PGM2: variants seen among roughly 807,000 people sequenced by gnomAD.
PGM2 encodes phosphoglucomutase 2.
A neutral mutation model predicts 74.6 loss-of-function variants in PGM2; 57 were observed. The ratio of observed to expected loss-of-function variants is 0.76; its 90% CI spans 0.62 to 0.95. PGM2 has a LOEUF of 0.95. PGM2 is among the 40% of genes least tolerant of loss of function. The pLI is 0.00. For missense variants in PGM2, 706 were observed against 741.9 expected (o/e 0.95, Z 0.56); for synonymous variants, 273 against 260.7 (o/e 1.05, Z -0.46).
Position 37,862,292 on chromosome 4 carries a change from C to G in PGM2, c.*680C>G, listed in dbSNP as rs1383815374. 6.6e-6 allele frequency: 1 copy of G among 152,096 alleles called. No homozygotes were observed. The highest frequency in any genetic ancestry group is 1.5e-5 in the Non-Finnish European group (1 of 67,990). The allele number at this position is 152,096 out of a possible 1,614,324, so 9.4% of individuals were successfully genotyped here. ...TGTGTTGAAACTCATCTTTTTAAAT[C>G]TTGAAAAACCAATTGTTTACTTGAA... On this transcript the variant is annotated 3_prime_UTR_variant, in exon 14 of 14. Transcript: ENST00000381967.
intron 12 of PGM2, among the ~76,000 whole-genome samples, chr4:37,855,206 TC>T (rs1441434631): frequency 2.0e-5 from 3 of 152,108 alleles, no homozygotes; most frequent in Non-Finnish European, 2.9e-5. Context: ...TCCCCACCCT[TC>T]CCCAGTCAGC....
intron 6 of PGM2, among the ~76,000 whole-genome samples, chr4:37,841,100 A>ATG (rs1553885995): frequency 7.2e-4 from 83 of 115,668 alleles, no homozygotes; most frequent in Middle Eastern, 8.7e-3. Flanking sequence ...ATATATATAT[A>ATG]TGTGTGTGTG....
intron 12 of PGM2, among the ~76,000 whole-genome samples, chr4:37,851,456 C>T (rs918803425): frequency 6.6e-6 from 1 of 150,514 alleles, no homozygotes; most frequent in African/African-American, 2.4e-5. Flanking sequence ...AAAGAAGACA[C>T]AAAGGTAGCA....
chr4:37,834,513 G>A, intron 2 of PGM2, 105 bp from the exon 3 acceptor site: 1 of 600,104 alleles, frequency 1.7e-6, no homozygotes, highest in Non-Finnish European at 3.0e-6. Flanking sequence ...CTCTCCCATA[G>A]TGTTCTATGA....
rs115453938 is a variant in PGM2 at position 37,835,229 on chromosome 4, T to C, written c.356+505T>C. On this transcript the variant is annotated intron_variant, in intron 3 of 13. Coordinates refer to ENST00000381967, the MANE Select transcript of PGM2 (RefSeq NM_018290.4). The stretch of plus-strand genomic sequence containing the variant: ...TACTCATTCTATCCTCACAGCAACG[T>C]GTAAGGTATGTACTTTTATCTCTTT... Among the ~76,000 whole-genome samples, 388 of 152,336 alleles carry C rather than the reference T, an allele frequency of 2.5e-3. 2 individuals carry two copies. The highest frequency in any genetic ancestry group is 8.6e-3 in the African/African-American group (358 of 41,580).
chr4:37,850,185 T>A lies in PGM2; in HGVS notation c.1414T>A (p.Tyr472Asn). Residue 472 changes from tyrosine to asparagine, a missense_variant and splice_region_variant, in exon 12 of 14, where the codon TAT (tyrosine) becomes AAT (asparagine). Physicochemically the swap from Tyr to Asn is moderately radical, Grantham distance 143. Coordinates refer to ENST00000381967, the MANE Select transcript of PGM2 (RefSeq NM_018290.4). ...SQQLKAIYVE[Y>N]GYHITKASYF... The stretch of plus-strand genomic sequence containing the variant: ...CATGAATTTGTATTTGTTTGATAGG[T>A]ATGGCTACCATATTACTAAAGCTTC... 1 of 1,533,040 alleles carries A rather than the reference T, an allele frequency of 6.5e-7. No individual in the cohort carries two copies. The highest frequency in any genetic ancestry group is 8.8e-7 in the Non-Finnish European group (1 of 1,131,374). 95.0% of individuals were successfully genotyped at this position (1,533,040 alleles called of 1,614,324 possible). A position where few individuals can be genotyped will look rare whatever the true frequency, so the allele number is the denominator to read the frequency against.
chr4:37,827,825 T>A (rs1725337922), intron 1 of PGM2, among the ~76,000 whole-genome samples: 1 of 152,134 alleles, frequency 6.6e-6, no homozygotes, highest in Non-Finnish European at 1.5e-5. Flanking sequence ...CCCACTGTTG[T>A]TTTAATGTCC....
intron 4 of PGM2, among the ~76,000 whole-genome samples, chr4:37,839,111 ATTTTTTTTTTTTT>A (rs60423053): frequency 2.1e-5 from 2 of 94,660 alleles, no homozygotes; most frequent in Non-Finnish European, 4.3e-5. Flanking sequence ...ATTCCCTCAA[ATTTTTTTTTTTTT>A]TTTTTTTTTT....
intron 3 of PGM2, among the ~76,000 whole-genome samples, chr4:37,835,234 G>GGT (rs1388266875): frequency 1.3e-5 from 2 of 152,166 alleles, no homozygotes; most frequent in African/African-American, 2.4e-5. Flanking sequence ...CAACGTGTAA[G>GGT]GTATGTACTT....
Position 37,839,944 on chromosome 4 carries a change from T to C in PGM2, c.525+13T>C. On this transcript the variant is annotated intron_variant, in intron 5 of 13. Transcript: ENST00000381967. The stretch of plus-strand genomic sequence containing the variant: ...TAATGGTTATAAGGTATTTTCCTTT[T>C]TCTACTCCACACGTACATCCTTCTG... The C allele has an allele frequency of 6.5e-7, 1 of 1,547,966 alleles. No homozygotes were observed. The highest frequency in any genetic ancestry group is 1.4e-5 in the African/African-American group (1 of 73,636).
intron 6 of PGM2, among the ~76,000 whole-genome samples, chr4:37,842,792 C>G (rs1302076514): frequency 1.3e-5 from 2 of 152,082 alleles, no homozygotes; most frequent in Non-Finnish European, 2.9e-5. Context: ...CTCTGAGTAG[C>G]TGGTACTGCA....
At chr4:37,842,651 C>A (rs1725761795) in intron 6 of PGM2, among the ~76,000 whole-genome samples, 1 of 124,046 alleles carries the variant, frequency 8.1e-6, no homozygotes, top group South Asian at 2.5e-4. Flanking sequence ...GGAGGCCCTT[C>A]ACATGTCATT....
intron 6 of PGM2, among the ~76,000 whole-genome samples, chr4:37,841,521 C>T (rs186639268): frequency 6.6e-6 from 1 of 152,246 alleles, no homozygotes. Flanking sequence ...AAGCCCAGTC[C>T]TGCCTGAAGG....
At chr4:37,830,404 G>A (rs1243578216) in intron 2 of PGM2, among the ~76,000 whole-genome samples, 1 of 152,120 alleles carries the variant, frequency 6.6e-6, no homozygotes, top group Non-Finnish European at 1.5e-5. Context: ...AGAATGACTC[G>A]AACAAACAGA....
Position 37,844,349 on chromosome 4 carries a change from T to C in PGM2, c.720-15T>C. On this transcript the variant is annotated splice_polypyrimidine_tract_variant and intron_variant, in intron 6 of 13. Coordinates refer to ENST00000381967, the MANE Select transcript of PGM2 (RefSeq NM_018290.4). ...TTCTGCCTTGTATCATTTTCCACTG[T>C]GTATCTGATTCTAGGAGCGTGAACA... The C allele has an allele frequency of 1.3e-6, 2 of 1,570,292 alleles. No homozygotes were observed. Among genetic ancestry groups the C allele is most frequent in the Non-Finnish European group, 8.7e-7 (1 of 1,149,962 alleles).
At chr4:37,840,970 A>ATATC (rs1725699220) in intron 6 of PGM2, among the ~76,000 whole-genome samples, 1 of 135,804 alleles carries the variant, frequency 7.4e-6, no homozygotes, top group African/African-American at 3.1e-5. Context: ...GTGTGTATAT[A>ATATC]TATATATATA....
Position 37,844,482 on chromosome 4 carries a change from G to A in PGM2, c.838G>A (p.Glu280Lys). 1 of 1,613,814 alleles carries A rather than the reference G, an allele frequency of 6.2e-7. No individual in the cohort carries two copies. Among genetic ancestry groups the A allele is most frequent in the South Asian group, 1.1e-5 (1 of 91,072 alleles). Reference sequence around the variant, plus strand: ...CCTTGTTCCTCCTGAGGCTGTTCCTGAACAGAAAGATCCGGATCCTGAGTT... The same window carrying A: ...CCTTGTTCCTCCTGAGGCTGTTCCTAAACAGAAAGATCCGGATCCTGAGTT... ...FDLVPPEAVP[E>K]QKDPDPEFPT... is the part of the protein sequence containing the mutation. Residue 280 changes from glutamate (E) to lysine (K), a missense_variant, in exon 7 of 14, where the codon GAA (glutamate) becomes AAA (lysine). Coordinates refer to ENST00000381967, the MANE Select transcript of PGM2 (RefSeq NM_018290.4).
At chr4:37,840,505 C>T (rs1577675911) in intron 6 of PGM2, among the ~76,000 whole-genome samples, 1 of 152,202 alleles carries the variant, frequency 6.6e-6, no homozygotes, top group South Asian at 2.1e-4. Context: ...GCCTCAGCCT[C>T]CCAAGTAGCT....
intron 12 of PGM2, among the ~76,000 whole-genome samples, chr4:37,852,884 G>A (rs1726091105): frequency 6.6e-6 from 1 of 152,096 alleles, no homozygotes; most frequent in African/African-American, 2.4e-5. Flanking sequence ...TTGGTCTGTA[G>A]AATCATTTAT....
Sources: gnomAD v4.1 joint callset for allele counts (sites outside exome capture counted in the v4.1 genomes callset) on GRCh38, gnomAD v4.1.1 for gene constraint, MANE v1.5 for transcripts, NCBI Gene and HGNC (gene_info 2026-07-23, HGNC 2026-07-21) for gene names.